MACF1: variants seen among roughly 807,000 people sequenced by gnomAD.
The protein encoded by MACF1 is microtubule actin crosslinking factor 1, also known as microtubule-actin cross-linking factor 1.
Under a neutral mutation model 854.8 loss-of-function variants are expected in MACF1, and 193 were observed. The observed-to-expected ratio is 0.23, with a 90% CI of 0.20 to 0.25. MACF1 has a LOEUF of 0.25. MACF1 is among the 10% of genes least tolerant of loss of function. The pLI, the probability that MACF1 is intolerant of heterozygous loss-of-function variation, is 1.00. For missense variants in MACF1, 7,722 were observed against 8,929.1 expected (o/e 0.86, Z 5.45); for synonymous variants, 3,185 against 3,226.7 (o/e 0.99, Z 0.44).
chr1:39,135,709 T>C (rs1363247708), intron 2 of MACF1, among the ~76,000 whole-genome samples: 1 of 152,130 alleles, frequency 6.6e-6, no homozygotes, highest in African/African-American at 2.4e-5. Flanking sequence ...ATGGACCTAC[T>C]GAACCCTATA....
Position 39,284,409 on chromosome 1 carries a change from A to G in MACF1, c.1112A>G (p.Glu371Gly). 1 of 1,596,882 alleles carries G rather than the reference A, an allele frequency of 6.3e-7. No individual in the cohort carries two copies. Among genetic ancestry groups the G allele is most frequent in the Non-Finnish European group, 8.5e-7 (1 of 1,173,024 alleles). Reference protein sequence around the residue: ...AKEREKGRIEELYKLLEVWIE... With the variant: ...AKEREKGRIEGLYKLLEVWIE... ...GAGAGAGAAAAAGGAAGAATTGAGGAATTATATAAATTACTAGAGGTAAGT... is the reference window on the plus strand; with the variant it reads ...GAGAGAGAAAAAGGAAGAATTGAGGGATTATATAAATTACTAGAGGTAAGT... The change falls in exon 11 of 101, where the codon GAA becomes GGA. Residue 371 changes from glutamate (E) to glycine (G), a missense_variant. By Grantham distance (98) the Glu-to-Gly change is moderately conservative. This residue lies in a region of MACF1 where 97 missense variants were observed against 130.4 expected (regional missense o/e 0.74). Coordinates refer to ENST00000564288, the MANE Select transcript of MACF1 (RefSeq NM_001394062.1).
At position 39,204,771 on chromosome 1, in the gene MACF1, C is replaced by T. The variant is rs1469747079; in HGVS notation, c.-252C>T. On this transcript the variant is annotated 5_prime_UTR_variant, in exon 1 of 101. Transcript: ENST00000564288. ...TGTTCCTTCTTCCCTTTCCCCTCCC[C>T]CGCTGGCCAGTTGTTTCCTGGGCTT... 2.4e-6 allele frequency: 1 copy of T among 421,564 alleles called. No homozygotes were observed. Among genetic ancestry groups the T allele is most frequent in the African/African-American group, 2.0e-5 (1 of 49,902 alleles). The allele number at this position is 421,564 out of a possible 1,614,324, so 26.1% of individuals were successfully genotyped here. A position where few individuals can be genotyped will look rare whatever the true frequency, so the allele number is the denominator to read the frequency against.
chr1:39,485,020 G>T, intron 100 of MACF1: 1 of 485,802 alleles, frequency 2.1e-6, no homozygotes, highest in East Asian at 3.9e-5. Context: ...GTCTTCCTCA[G>T]ACACCAGTCC....
rs1645599285 is a variant in MACF1, at chr1:39,283,937, A to C, written c.916-129A>C. The C allele has an allele frequency of 9.7e-7, 1 of 1,030,174 alleles. No individual in the cohort carries two copies. Among genetic ancestry groups the C allele is most frequent in the Non-Finnish European group, 1.4e-6 (1 of 694,912 alleles). 63.8% of individuals were successfully genotyped at this position (1,030,174 alleles called of 1,614,324 possible). ...CTTTGAAGCTAGTACTGTGAGCATT[A>C]AACTGAGCAGCATCTAGGCAATTAA... On this transcript the variant is annotated intron_variant, in intron 9 of 100. Transcript: ENST00000564288. The surrounding 1 kb of genome is among the most constrained non-coding windows in gnomAD (Gnocchi z 4.5).
At chr1:39,270,093 CTGAATCTCTGGAA>C (rs965274670) in intron 6 of MACF1, among the ~76,000 whole-genome samples, 6 of 152,226 alleles carry the variant, frequency 3.9e-5, no homozygotes, top group East Asian at 1.9e-4. Flanking sequence ...AAGGGCCTAA[CTGAATCTCTGGAA>C]TGAATCTCTG....
In MACF1 at chr1:39,351,034, G is replaced by A; in HGVS notation, c.11199+16G>A. The A allele has an allele frequency of 6.3e-7, 1 of 1,576,104 alleles. No homozygotes were observed. The highest frequency in any genetic ancestry group is 1.4e-5 in the African/African-American group (1 of 73,362). On this transcript the variant is annotated intron_variant, in intron 43 of 100. Transcript: ENST00000564288. ...GACTGAAAAGGTAATAGACTGCTAT[G>A]ACGCTTGATATTTTTCAAAAAAGAA...
At chr1:39,438,751 C>G (rs1212892812) in intron 71 of MACF1, among the ~76,000 whole-genome samples, 1 of 151,328 alleles carries the variant, frequency 6.6e-6, no homozygotes, top group Non-Finnish European at 1.5e-5. Flanking sequence ...GCACTCCAGC[C>G]TGGGTGACAG....
chr1:39,375,755 G>A (rs1408002159), intron 52 of MACF1, among the ~76,000 whole-genome samples: 2 of 152,240 alleles, frequency 1.3e-5, no homozygotes, highest in African/African-American at 4.8e-5. Flanking sequence ...AAACTTGAAA[G>A]TGATGTAATA....
At chr1:39,273,288 C>G (rs1645365003) in intron 6 of MACF1, among the ~76,000 whole-genome samples, 1 of 151,874 alleles carries the variant, frequency 6.6e-6, no homozygotes. Flanking sequence ...AGGCGCCCGC[C>G]CCCACCACGC....
In MACF1 at chr1:39,335,680, C is replaced by T. The variant is rs779215870; in HGVS notation, c.9092C>T (p.Thr3031Ile). The change falls in exon 37 of 101, where the codon ACA becomes ATA. Residue 3031 changes from threonine (T) to isoleucine (I), a missense_variant. Physicochemically the swap from Thr to Ile is moderately conservative, Grantham distance 89. This residue lies in a region of MACF1 where 854 missense variants were observed against 852.6 expected (regional missense o/e 1.00). Coordinates refer to ENST00000564288, the MANE Select transcript of MACF1 (RefSeq NM_001394062.1). ...TSSEKGKEAD[T>I]EMGFSITFKI... is the part of the protein sequence containing the mutation. ...AGTGAAAAAGGGAAAGAAGCTGATA[C>T]AGAAATGGGATTTTCTATTACTTTT... The T allele has an allele frequency of 5.6e-6, 9 of 1,613,758 alleles. No individual in the cohort carries two copies. Among genetic ancestry groups the T allele is most frequent in the Non-Finnish European group, 7.6e-6 (9 of 1,179,970 alleles).
At chr1:39,341,960 T>TAGG (rs1646944688) in intron 40 of MACF1, among the ~76,000 whole-genome samples, 1 of 151,976 alleles carries the variant, frequency 6.6e-6, no homozygotes, top group African/African-American at 2.4e-5. Context: ...GTAAACTGCA[T>TAGG]GTCATGAGGG....
chr1:39,331,896 C>G lies in MACF1; in HGVS notation c.5308C>G (p.Leu1770Val). 1 of 1,614,130 alleles carries G rather than the reference C, an allele frequency of 6.2e-7. No individual in the cohort carries two copies. ...QVTVRLLEAQLFAGGIVDPRT... is the reference protein window; with the variant it reads ...QVTVRLLEAQVFAGGIVDPRT... ...CACTGTCCGGTTGCTGGAAGCTCAG[C>G]TTTTTGCTGGTGGCATAGTAGATCC... The change falls in exon 37 of 101, where the codon CTT becomes GTT. Residue 1770 changes from leucine to valine, a missense_variant. Leu to Val is a conservative substitution (Grantham distance 32, BLOSUM62 1). Coordinates refer to ENST00000564288, the MANE Select transcript of MACF1 (RefSeq NM_001394062.1).
intron 2 of MACF1, among the ~76,000 whole-genome samples, chr1:39,191,195 CTT>C (rs1644251334): frequency 1.0e-5 from 1 of 97,708 alleles, no homozygotes; most frequent in Non-Finnish European, 1.9e-5. Flanking sequence ...GTGATTCTTT[CTT>C]TCTTTTTTTT....
intron 2 of MACF1, among the ~76,000 whole-genome samples, chr1:39,134,516 C>A (rs1348097845): frequency 6.6e-6 from 1 of 152,112 alleles, no homozygotes; most frequent in Non-Finnish European, 1.5e-5. Context: ...GGGTAGAAAG[C>A]AGCATCTTAC....
At position 39,350,932 on chromosome 1, in the gene MACF1, T is replaced by C. The variant is rs1224933194; in HGVS notation, c.11113T>C (p.Tyr3705His). The C allele has an allele frequency of 2.5e-6, 4 of 1,613,996 alleles. No homozygotes were observed. Among genetic ancestry groups the C allele is most frequent in the East Asian group, 2.2e-5 (1 of 44,876 alleles). Residue 3705 changes from tyrosine to histidine, a missense_variant, in exon 43 of 101, where the codon TAT becomes CAT. Physicochemically the swap from Tyr to His is moderately conservative, Grantham distance 83. Transcript: ENST00000564288. ...REKLHQAKEQ[Y>H]EALQEETRVA... ...AAAGCTTCATCAGGCTAAGGAGCAA[T>C]ATGAGGCGCTCCAGGAAGAGACACG...
intron 19 of MACF1, among the ~76,000 whole-genome samples, chr1:39,295,525 G>C (rs1229464039): frequency 6.6e-6 from 1 of 152,188 alleles, no homozygotes. Context: ...ATTTATGCCT[G>C]GGTTTTGCTG....
At chr1:39,221,059 G>T (rs1644646138) in intron 1 of MACF1, among the ~76,000 whole-genome samples, 2 of 152,312 alleles carry the variant, frequency 1.3e-5, no homozygotes, top group Middle Eastern at 6.8e-3. Flanking sequence ...GGGAAAGGTT[G>T]CTCCTAGTAG....
At position 39,317,433 on chromosome 1, in the gene MACF1, C is replaced by T. The variant is rs74066739; in HGVS notation, c.3782+26C>T. On this transcript the variant is annotated intron_variant, in intron 29 of 100. Transcript: ENST00000564288. ...GTGAGTGGTGGCCCCACCTTTTTCT[C>T]CTATTAGAGTTCAGGGACTAGGTCT... 5.9e-3 allele frequency: 9,524 copies of T among 1,605,322 alleles called. 424 individuals carry two copies. In the African/African-American group the frequency reaches 0.1, roughly 18 times the overall value.
chr1:39,393,554 A>G (rs1317747848), intron 58 of MACF1, among the ~76,000 whole-genome samples: 1 of 152,042 alleles, frequency 6.6e-6, no homozygotes, highest in Non-Finnish European at 1.5e-5. Context: ...CACACCTATA[A>G]TCATAGCATT....
Sources: gnomAD v4.1 joint callset for allele counts (sites outside exome capture counted in the v4.1 genomes callset) on GRCh38, gnomAD v4.1.1 for gene constraint, gnomAD v4.1.1 regional missense constraint, Gnocchi (gnomAD v3.1) non-coding constraint, MANE v1.5 for transcripts, NCBI Gene and HGNC (gene_info 2026-07-23, HGNC 2026-07-21) for gene names.